The following DLG5 variants were observed in gnomAD, a reference collection of about 807,000 sequenced individuals.
DLG5 encodes disks large homolog 5.
A neutral mutation model predicts 189.8 loss-of-function variants in DLG5; 48 were observed. The observed-to-expected ratio is 0.25, with a 90% CI of 0.20 to 0.32. The LOEUF is 0.32. Ranked by LOEUF, DLG5 falls within the 10% of genes least tolerant of loss-of-function variation. The probability of loss-of-function intolerance (pLI) is 1.00; values close to 1 mark genes in which losing one functional copy is unlikely to be tolerated. For missense variants in DLG5, 2,160 were observed against 2,544.7 expected (o/e 0.85, Z 3.25); for synonymous variants, 1,016 against 1,054.1 (o/e 0.96, Z 0.70).
At chr10:77,938,617 C>G in the DLG5 span, among the ~76,000 whole-genome samples, 1 of 152,110 alleles carries the variant, frequency 6.6e-6, no homozygotes, top group Non-Finnish European at 1.5e-5. Context: ...AAATATAACC[C>G]CAGCCACAAA....
chr10:77,915,344 G>A (rs1029674563), intron 1 of DLG5, among the ~76,000 whole-genome samples: 14 of 151,800 alleles, frequency 9.2e-5, no homozygotes. Flanking sequence ...AAAAAAAATA[G>A]GAACGTTTAG....
chr10:77,805,874 G>T lies in DLG5; in HGVS notation c.4968-13C>A. On this transcript the variant is annotated splice_polypyrimidine_tract_variant and intron_variant, in intron 26 of 31. Coordinates refer to ENST00000372391, the MANE Select transcript of DLG5 (RefSeq NM_004747.4). ...TTCTTGGTCCATCCTGTGGCACAGGGGACAATGCTGGGCAGGGCCATCGAG... is the reference window on the plus strand; with the variant it reads ...TTCTTGGTCCATCCTGTGGCACAGGTGACAATGCTGGGCAGGGCCATCGAG... The T allele has an allele frequency of 6.2e-7, 1 of 1,606,346 alleles. No homozygotes were observed. Among genetic ancestry groups the T allele is most frequent in the Non-Finnish European group, 8.5e-7 (1 of 1,174,184 alleles).
intron 1 of DLG5, among the ~76,000 whole-genome samples, chr10:77,915,932 GT>G (rs1444537085): frequency 1.3e-5 from 2 of 152,342 alleles, no homozygotes; most frequent in East Asian, 1.9e-4. Flanking sequence ...GGATTGTTTG[GT>G]TAATGTCTGG....
intron 1 of DLG5, among the ~76,000 whole-genome samples, chr10:77,884,293 C>T (rs190569147): frequency 6.6e-6 from 1 of 152,264 alleles, no homozygotes; most frequent in Non-Finnish European, 1.5e-5. Flanking sequence ...AATTGATTGG[C>T]CCTGTTTCTC....
chr10:77,808,832 C>T (rs1213741712), intron 24 of DLG5, among the ~76,000 whole-genome samples: 4 of 152,210 alleles, frequency 2.6e-5, no homozygotes, highest in African/African-American at 4.8e-5. Flanking sequence ...CAGTGGCTCA[C>T]GCCTGTAATC....
At chr10:77,813,043 T>G (rs1328889033) in intron 20 of DLG5, among the ~76,000 whole-genome samples, 1 of 152,198 alleles carries the variant, frequency 6.6e-6, no homozygotes, top group African/African-American at 2.4e-5. Flanking sequence ...AGAAGAGATC[T>G]GTGGTGGCAG....
At chr10:77,865,122 G>A (rs1844620254) in intron 2 of DLG5, among the ~76,000 whole-genome samples, 1 of 152,096 alleles carries the variant, frequency 6.6e-6, no homozygotes, top group Admixed American at 6.5e-5. Context: ...CTTTCTTTCT[G>A]CTCTACACAG....
the DLG5 span, among the ~76,000 whole-genome samples, chr10:77,934,860 G>GTTTT: frequency 2.9e-5 from 4 of 137,392 alleles, 1 homozygote; most frequent in East Asian, 4.2e-4. Flanking sequence ...TTGTTTTTTT[G>GTTTT]TTTTTTTTTT....
intron 1 of DLG5, among the ~76,000 whole-genome samples, chr10:77,880,961 C>CTTT (rs1564572294): frequency 9.5e-6 from 1 of 105,650 alleles, no homozygotes; most frequent in Non-Finnish European, 2.0e-5. Context: ...TAACCCTAGA[C>CTTT]CTTTTTTTTT....
At chr10:77,936,432 G>A in the DLG5 span, among the ~76,000 whole-genome samples, 4 of 116,262 alleles carry the variant, frequency 3.4e-5, no homozygotes, top group East Asian at 2.6e-4. Flanking sequence ...GCGAGACTCC[G>A]TCTCAAAACA....
At chr10:77,815,979 C>A (rs892612874) in intron 20 of DLG5, 3 of 389,768 alleles carry the variant, frequency 7.7e-6, no homozygotes, top group Non-Finnish European at 1.0e-5. Context: ...CTAAGATGGA[C>A]CTACATTCTA....
chr10:77,933,210 T>C, the DLG5 span, among the ~76,000 whole-genome samples: 5 of 152,186 alleles, frequency 3.3e-5, no homozygotes, highest in African/African-American at 1.2e-4. Flanking sequence ...TGCAACTTTT[T>C]ACTCCCTTTA....
rs1846062091 is a variant in DLG5 at position 77,906,041 on chromosome 10, T to C, written c.304+20176A>G. Among the ~76,000 whole-genome samples, 4 of 152,224 alleles carry C rather than the reference T, an allele frequency of 2.6e-5. No homozygotes were observed. In the South Asian group the frequency reaches 8.3e-4, roughly 32 times the overall value. The stretch of plus-strand genomic sequence containing the variant: ...ACTACAGACTCATACCCACCCATTA[T>C]ACCCATTTGCTCTGCAGGAATGGAC... On this transcript the variant is annotated intron_variant, in intron 1 of 31. Coordinates refer to ENST00000372391, the MANE Select transcript of DLG5 (RefSeq NM_004747.4).
intron 31 of DLG5, chr10:77,793,404 A>T (rs1840738910): frequency 6.5e-6 from 1 of 153,444 alleles, no homozygotes; most frequent in African/African-American, 2.4e-5. Flanking sequence ...ATCCTCTGTG[A>T]CTGCAAATGC....
chr10:77,793,523 G>C (rs1422564312), intron 31 of DLG5: 1 of 152,924 alleles, frequency 6.5e-6, no homozygotes, highest in Non-Finnish European at 1.5e-5. Context: ...GATGGTAAGG[G>C]GACAGCATTG....
At chr10:77,879,801 G>A (rs149065542) in intron 1 of DLG5, among the ~76,000 whole-genome samples, 17 of 151,878 alleles carry the variant, frequency 1.1e-4, no homozygotes, top group African/African-American at 4.1e-4. Context: ...GAAGCCTGCA[G>A]GAAAAACAGA....
At chr10:77,877,186 C>CA (rs1225362998) in intron 1 of DLG5, among the ~76,000 whole-genome samples, 2 of 151,938 alleles carry the variant, frequency 1.3e-5, no homozygotes, top group African/African-American at 4.8e-5. Context: ...TGCCCCAAGG[C>CA]AAAAATATGT....
the DLG5 span, among the ~76,000 whole-genome samples, chr10:77,934,388 AGAAAAGG>A: frequency 1.3e-5 from 2 of 151,116 alleles, no homozygotes; most frequent in Non-Finnish European, 3.0e-5. Flanking sequence ...AAAAAAAAAA[AGAAAAGG>A]AAAAAATAAA....
At chr10:77,837,836 C>G (rs1038990927) in intron 7 of DLG5, among the ~76,000 whole-genome samples, 3 of 152,182 alleles carry the variant, frequency 2.0e-5, no homozygotes, top group Non-Finnish European at 4.4e-5. Context: ...GCTGGGTGAA[C>G]AAAGGCGTGG....
Sources: allele counts gnomAD v4.1 joint callset (sites outside exome capture counted in the v4.1 genomes callset), GRCh38; gene constraint gnomAD v4.1.1; transcripts MANE v1.5; gene names NCBI Gene and HGNC (gene_info 2026-07-23, HGNC 2026-07-21).